The following HDAC9 variants were observed in gnomAD, a reference collection of about 807,000 sequenced individuals.
HDAC9 encodes the protein MEF-2 interacting transcription repressor (MITR) protein.
A neutral mutation model predicts 139.4 loss-of-function variants in HDAC9; 41 were observed. That is an observed-to-expected ratio of 0.29 (90% confidence interval 0.23 to 0.38). The LOEUF (loss-of-function observed/expected upper bound fraction) is 0.38. Ranked by LOEUF, HDAC9 falls within the 10% of genes least tolerant of loss-of-function variation. The pLI is 1.00. For synonymous variants in HDAC9, 517 were observed against 476.2 expected, an observed-to-expected ratio of 1.09 and a Z score of -1.12; for missense variants, 1,147 against 1,297.0, an observed-to-expected ratio of 0.88 and a Z score of 1.78.
intron 1 of HDAC9, among the ~76,000 whole-genome samples, chr7:18,437,912 C>T (rs1048418954): frequency 1.3e-5 from 2 of 150,770 alleles, no homozygotes; most frequent in African/African-American, 4.9e-5. Flanking sequence ...CACACATGCA[C>T]CACACACACA....
intron 1 of HDAC9, among the ~76,000 whole-genome samples, chr7:18,396,784 T>A (rs972839858): frequency 6.6e-6 from 1 of 152,180 alleles, no homozygotes; most frequent in African/African-American, 2.4e-5. Flanking sequence ...GAAAAATACT[T>A]CAGTTAGCAT....
At chr7:18,294,265 T>G (rs1798000774) in intron 1 of HDAC9, among the ~76,000 whole-genome samples, 1 of 152,144 alleles carries the variant, frequency 6.6e-6, no homozygotes, top group African/African-American at 2.4e-5. Context: ...ACCCTGGGAT[T>G]AGAGAATCAT....
At chr7:18,945,994 A>G (rs781420541) in intron 23 of HDAC9, among the ~76,000 whole-genome samples, 12 of 130,148 alleles carry the variant, frequency 9.2e-5, no homozygotes, top group Non-Finnish European at 1.7e-4. Flanking sequence ...CCGAGATAGC[A>G]CCACTGCACT....
intron 2 of HDAC9, among the ~76,000 whole-genome samples, chr7:18,251,402 T>C (rs1238901099): frequency 6.6e-6 from 1 of 152,100 alleles, no homozygotes; most frequent in Non-Finnish European, 1.5e-5. Context: ...GAGTAGCTAA[T>C]GGATTCTGGG....
At chr7:18,529,053 G>T (rs966484452) in intron 2 of HDAC9, among the ~76,000 whole-genome samples, 5 of 151,928 alleles carry the variant, frequency 3.3e-5, no homozygotes, top group Non-Finnish European at 7.4e-5. Context: ...ATTTGTCTGG[G>T]TATTAAACCT....
chr7:18,879,165 TAAAC>T (rs977121427), intron 22 of HDAC9, among the ~76,000 whole-genome samples: 2 of 151,906 alleles, frequency 1.3e-5, no homozygotes, highest in Admixed American at 1.3e-4. Flanking sequence ...AGAGGAAACA[TAAAC>T]AAATGGAAAA....
chr7:18,708,847 C>T (rs917635234), intron 12 of HDAC9, among the ~76,000 whole-genome samples: 4 of 152,026 alleles, frequency 2.6e-5, no homozygotes, highest in African/African-American at 7.2e-5. Context: ...TACACAGAAA[C>T]ACTCACAAAA....
chr7:18,812,944 A>T (rs1365192361), intron 17 of HDAC9, among the ~76,000 whole-genome samples: 2 of 151,958 alleles, frequency 1.3e-5, no homozygotes. Flanking sequence ...CATCCAAAAA[A>T]CTTTTCATTT....
chr7:18,823,704 G>A (rs1306720842), intron 17 of HDAC9, among the ~76,000 whole-genome samples: 1 of 152,044 alleles, frequency 6.6e-6, no homozygotes, highest in African/African-American at 2.4e-5. Flanking sequence ...AAGAGGCCAG[G>A]CACAGTTGCT....
intron 12 of HDAC9, among the ~76,000 whole-genome samples, chr7:18,726,768 C>T (rs1785584001): frequency 6.6e-6 from 1 of 150,774 alleles, no homozygotes; most frequent in East Asian, 1.9e-4. Context: ...TTTTGAAATA[C>T]ATACCTTTTT....
At chr7:18,125,829 A>G (rs945715402) in intron 1 of HDAC9, among the ~76,000 whole-genome samples, 12 of 152,168 alleles carry the variant, frequency 7.9e-5, no homozygotes, top group Non-Finnish European at 1.5e-4. Context: ...TATAATTTTC[A>G]TGTGTCATAA....
At chr7:18,206,930 C>CTTTTTTTTTTT (rs58248823) in intron 2 of HDAC9, among the ~76,000 whole-genome samples, 1 of 124,546 alleles carries the variant, frequency 8.0e-6, no homozygotes, top group Non-Finnish European at 1.7e-5. Context: ...GATATCTTTT[C>CTTTTTTTTTTT]TTTTTTTTTT....
intron 11 of HDAC9, among the ~76,000 whole-genome samples, chr7:18,651,432 C>G (rs1346017056): frequency 6.6e-6 from 1 of 151,740 alleles, no homozygotes; most frequent in African/African-American, 2.4e-5. Context: ...TTTAGAGAAA[C>G]AAAAAATGAA....
chr7:18,535,312 C>A lies in HDAC9; in HGVS notation c.22+38988C>A, dbSNP rs192345806. ...AAGTCATACAATTTTTAAATCACCC[C>A]CAAATTGATATAATAAATATTATTG... On this transcript the variant is annotated intron_variant, in intron 2 of 25. Transcript: ENST00000686413. Among the ~76,000 whole-genome samples the A allele has an allele frequency of 4.2e-3, 636 of 152,008 alleles. 4 individuals are homozygous for A. The highest frequency in any genetic ancestry group is 0.015 in the African/African-American group (618 of 41,458).
chr7:18,892,525 A>G (rs1346885853), intron 22 of HDAC9: 1 of 152,130 alleles, frequency 6.6e-6, no homozygotes, highest in Non-Finnish European at 1.5e-5. Context: ...CCTTCAAAAC[A>G]AAGAGAGGCA....
At chr7:18,314,945 A>C (rs962418965) in intron 1 of HDAC9, among the ~76,000 whole-genome samples, 14 of 152,218 alleles carry the variant, frequency 9.2e-5, no homozygotes, top group Admixed American at 5.2e-4. Context: ...GAACAGTGAG[A>C]AATAAAGATC....
Position 18,510,148 on chromosome 7 carries a change from A to G in HDAC9, c.22+13824A>G, listed in dbSNP as rs1016510451. The stretch of plus-strand genomic sequence containing the variant: ...TGCCCCCAAATTAAAATTATTCATT[A>G]TAGAATGTAAGCAGGAATGACCTCC... On this transcript the variant is annotated intron_variant, in intron 2 of 25. Coordinates refer to ENST00000686413, the MANE Select transcript of HDAC9 (RefSeq NM_178425.4). 5.3e-5 allele frequency among the ~76,000 whole-genome samples: 8 copies of G among 152,306 alleles called. No homozygotes were observed. In the East Asian group the frequency reaches 1.2e-3, roughly 22 times the overall value.
chr7:18,175,248 G>A (rs1338288767), intron 2 of HDAC9, among the ~76,000 whole-genome samples: 2 of 152,228 alleles, frequency 1.3e-5, no homozygotes, highest in Admixed American at 1.3e-4. Context: ...TTCTGTGGGT[G>A]TGGGACCTGC....
chr7:18,249,977 A>G (rs1183034586), intron 2 of HDAC9, among the ~76,000 whole-genome samples: 2 of 152,212 alleles, frequency 1.3e-5, no homozygotes, highest in African/African-American at 2.4e-5. Flanking sequence ...GCTGTGAAGT[A>G]AATAACCATC....
Sources: gnomAD v4.1 joint callset for allele counts (sites outside exome capture counted in the v4.1 genomes callset) on GRCh38, gnomAD v4.1.1 for gene constraint, MANE v1.5 for transcripts, NCBI Gene and HGNC (gene_info 2026-07-23, HGNC 2026-07-21) for gene names.